ROBO2: variants seen among roughly 807,000 people sequenced by gnomAD.
ROBO2 encodes the protein roundabout guidance receptor 2.
ROBO2 carries 53 observed loss-of-function variants against 160.8 expected under a neutral mutation model. That is an observed-to-expected ratio of 0.33 (90% CI 0.26 to 0.41). The LOEUF (loss-of-function observed/expected upper bound fraction) is 0.41, where lower values mean the gene tolerates loss of function less well. Among genes scored for constraint, ROBO2 ranks in the 10% least tolerant of loss-of-function variants. ROBO2 has a pLI of 1.00. For synonymous variants in ROBO2, 664 were observed against 611.7 expected, an observed-to-expected ratio of 1.09 and a Z score of -1.26; for missense variants, 1,577 against 1,722.4, an observed-to-expected ratio of 0.92 and a Z score of 1.49.
chr3:76,785,632 C>T (rs1044281717), intron 2 of ROBO2, among the ~76,000 whole-genome samples: 1 of 151,102 alleles, frequency 6.6e-6, no homozygotes, highest in Non-Finnish European at 1.5e-5. Flanking sequence ...GTTTAAACAA[C>T]TTAGACCGAG....
chr3:77,120,162 G>A (rs1291446927), intron 2 of ROBO2, among the ~76,000 whole-genome samples: 2 of 152,156 alleles, frequency 1.3e-5, no homozygotes, highest in African/African-American at 2.4e-5. Context: ...CAAATGTGTA[G>A]AGTAACAATT....
chr3:76,064,171 A>G (rs571821577), intron 2 of ROBO2, among the ~76,000 whole-genome samples: 2 of 152,308 alleles, frequency 1.3e-5, no homozygotes, highest in South Asian at 2.1e-4. Context: ...TGAGACCCAG[A>G]GCAGAGGATC....
chr3:76,084,917 G>A (rs946757550), intron 2 of ROBO2, among the ~76,000 whole-genome samples: 6 of 151,948 alleles, frequency 3.9e-5, no homozygotes, highest in South Asian at 2.1e-4. Flanking sequence ...AATGAAACAC[G>A]TAAAGATTCA....
At chr3:77,207,036 C>A (rs939663584) in intron 2 of ROBO2, among the ~76,000 whole-genome samples, 1 of 152,060 alleles carries the variant, frequency 6.6e-6, no homozygotes, top group Non-Finnish European at 1.5e-5. Context: ...CATTTTGTAC[C>A]TATAAACTAC....
At chr3:75,960,253 G>C (rs141631065) in intron 2 of ROBO2, among the ~76,000 whole-genome samples, 63 of 151,872 alleles carry the variant, frequency 4.1e-4, no homozygotes, top group Non-Finnish European at 7.8e-4. Flanking sequence ...TGGTATGTAG[G>C]ATCTGAAAGA....
chr3:77,008,812 G>C (rs2061717659), intron 2 of ROBO2, among the ~76,000 whole-genome samples: 2 of 152,066 alleles, frequency 1.3e-5, no homozygotes, highest in Non-Finnish European at 2.9e-5. Flanking sequence ...AACTTAACGG[G>C]CCTGAATGAG....
chr3:75,958,418 A>G (rs1948792804), intron 2 of ROBO2, among the ~76,000 whole-genome samples: 2 of 151,960 alleles, frequency 1.3e-5, no homozygotes, highest in South Asian at 2.1e-4. Flanking sequence ...TAGTGGAGAA[A>G]CAGAAAGTCA....
At chr3:76,629,642 A>C (rs945498276) in intron 2 of ROBO2, among the ~76,000 whole-genome samples, 2 of 152,126 alleles carry the variant, frequency 1.3e-5, no homozygotes, top group African/African-American at 2.4e-5. Context: ...CCACTGACTC[A>C]AATGTTAAAC....
intron 2 of ROBO2, among the ~76,000 whole-genome samples, chr3:76,449,540 G>A (rs2077367368): frequency 6.6e-6 from 1 of 152,068 alleles, no homozygotes; most frequent in South Asian, 2.1e-4. Context: ...GATTTAACTG[G>A]AGTTTGAAGG....
At chr3:76,128,603 T>A (rs546680387) in intron 2 of ROBO2, among the ~76,000 whole-genome samples, 3 of 130,048 alleles carry the variant, frequency 2.3e-5, no homozygotes, top group Non-Finnish European at 5.1e-5. Context: ...GGATAGGTTA[T>A]CCCCAAAGAT....
chr3:76,876,724 A>G (rs1045886198), intron 2 of ROBO2, among the ~76,000 whole-genome samples: 5 of 152,136 alleles, frequency 3.3e-5, no homozygotes, highest in African/African-American at 9.7e-5. Flanking sequence ...GAATTTATAT[A>G]TTGCAAAGAA....
chr3:77,081,451 A>C (rs1203147279), intron 1 of ROBO2, among the ~76,000 whole-genome samples: 2 of 152,224 alleles, frequency 1.3e-5, no homozygotes, highest in African/African-American at 4.8e-5. Context: ...CTGTGTATTC[A>C]TAACCATCAG....
intron 2 of ROBO2, among the ~76,000 whole-genome samples, chr3:76,850,785 A>G (rs1214030655): frequency 1.3e-5 from 2 of 152,094 alleles, no homozygotes; most frequent in Non-Finnish European, 2.9e-5. Context: ...AAATTAGGGG[A>G]AAAATCTTGA....
intron 2 of ROBO2, among the ~76,000 whole-genome samples, chr3:76,384,001 G>A (rs762019878): frequency 6.6e-6 from 1 of 152,212 alleles, no homozygotes; most frequent in Non-Finnish European, 1.5e-5. Flanking sequence ...GACAAGACAG[G>A]CTGGGCAGAA....
chr3:77,428,446 T>TC (rs796893432), intron 2 of ROBO2, among the ~76,000 whole-genome samples: 2 of 145,844 alleles, frequency 1.4e-5, no homozygotes, highest in African/African-American at 5.2e-5. Context: ...AAGCTCCACT[T>TC]CCCGGGTTCA....
intron 2 of ROBO2, among the ~76,000 whole-genome samples, chr3:76,071,216 A>C (rs2068442860): frequency 6.6e-6 from 1 of 152,196 alleles, no homozygotes; most frequent in African/African-American, 2.4e-5. Flanking sequence ...GCTTAATCAT[A>C]AATGCTTTCT....
intron 2 of ROBO2, among the ~76,000 whole-genome samples, chr3:76,947,362 A>G (rs2078624972): frequency 6.6e-6 from 1 of 152,160 alleles, no homozygotes; most frequent in South Asian, 2.1e-4. Flanking sequence ...GTCTTGTTGG[A>G]ACAAAGGTTT....
At chr3:76,897,805 T>C (rs374808181) in intron 2 of ROBO2, among the ~76,000 whole-genome samples, 1 of 152,066 alleles carries the variant, frequency 6.6e-6, no homozygotes, top group Non-Finnish European at 1.5e-5. Flanking sequence ...ATGGAAACTT[T>C]CTCTTCATTT....
At chr3:77,240,422 C>T (rs1031703829) in intron 2 of ROBO2, among the ~76,000 whole-genome samples, 4 of 152,206 alleles carry the variant, frequency 2.6e-5, no homozygotes, top group African/African-American at 9.6e-5. Flanking sequence ...CTCACGCTGG[C>T]CTGCGATTGC....
Sources: gnomAD v4.1 joint callset for allele counts (sites outside exome capture counted in the v4.1 genomes callset) on GRCh38, gnomAD v4.1.1 for gene constraint, MANE v1.5 for transcripts, NCBI Gene and HGNC (gene_info 2026-07-23, HGNC 2026-07-21) for gene names.